The following ADAM10 variants were observed in gnomAD, a reference collection of about 807,000 sequenced individuals.
The protein encoded by ADAM10 is ADAM metallopeptidase domain 10.
In ADAM10, 17 loss-of-function variants were observed where a neutral mutation model predicts 90.1. The ratio of observed to expected loss-of-function variants is 0.19; its 90% CI spans 0.13 to 0.28. The LOEUF (loss-of-function observed/expected upper bound fraction) is 0.28, where lower values mean the gene tolerates loss of function less well. Ranked by LOEUF, ADAM10 falls within the 10% of genes least tolerant of loss-of-function variation. ADAM10 has a pLI of 1.00. For synonymous variants in ADAM10, 310 were observed against 298.6 expected, an observed-to-expected ratio of 1.04 and a Z score of -0.40; for missense variants, 610 against 914.3, an observed-to-expected ratio of 0.67 and a Z score of 4.29.
intron 2 of ADAM10, chr15:58,692,225 C>A: frequency 1.7e-6 from 1 of 578,236 alleles, no homozygotes; most frequent in Non-Finnish European, 3.5e-6. Flanking sequence ...GCCCTGAATT[C>A]CAAATGACCT....
At chr15:58,705,641 A>G (rs1240036823) in intron 2 of ADAM10, among the ~76,000 whole-genome samples, 1 of 152,232 alleles carries the variant, frequency 6.6e-6, no homozygotes, top group East Asian at 1.9e-4. Context: ...GAGCAACAAA[A>G]TAAATTATGT....
chr15:58,742,738 G>C (rs1437894310), intron 1 of ADAM10, among the ~76,000 whole-genome samples: 1 of 152,098 alleles, frequency 6.6e-6, no homozygotes, highest in Non-Finnish European at 1.5e-5. Flanking sequence ...AAAATCAACA[G>C]CTAGACTACT....
At chr15:58,662,745 C>T (rs1338964109) in intron 5 of ADAM10, among the ~76,000 whole-genome samples, 3 of 152,170 alleles carry the variant, frequency 2.0e-5, no homozygotes, top group Non-Finnish European at 2.9e-5. Context: ...CAGGCAGGCA[C>T]AGCTTAGTAT....
At chr15:58,743,199 CG>C (rs1290904833) in intron 1 of ADAM10, among the ~76,000 whole-genome samples, 1 of 151,890 alleles carries the variant, frequency 6.6e-6, no homozygotes, top group African/African-American at 2.4e-5. Context: ...GCTTCGGTGG[CG>C]GGGGGCGGGG....
At chr15:58,745,553 TA>T (rs1899764158) in intron 1 of ADAM10, among the ~76,000 whole-genome samples, 1 of 152,182 alleles carries the variant, frequency 6.6e-6, no homozygotes, top group Non-Finnish European at 1.5e-5. Context: ...TAATGCTGAA[TA>T]AAAAGTATTG....
chr15:58,726,672 T>C (rs1204147012), intron 1 of ADAM10, among the ~76,000 whole-genome samples: 3 of 148,678 alleles, frequency 2.0e-5, no homozygotes, highest in African/African-American at 7.5e-5. Flanking sequence ...AAGATGACAG[T>C]TTAAAACTCA....
At position 58,691,676 on chromosome 15, in the gene ADAM10, C is replaced by CTTTTTTT. The variant is rs71116587; in HGVS notation, c.207-9369_207-9363dup. On this transcript the variant is annotated intron_variant, in intron 2 of 15. Transcript: ENST00000260408. ...AGCTAAGCTCAAGCCACTTCTTCTT[C>CTTTTTTT]TTTTTTTTTTTTTTTTTTTTTTTTT... The CTTTTTTT allele has an allele frequency of 6.4e-4, 148 of 231,846 alleles. 2 individuals carry two copies. Among genetic ancestry groups the CTTTTTTT allele is most frequent in the African/African-American group, 2.5e-3 (57 of 22,486 alleles). The allele number at this position is 231,846 out of a possible 1,614,324, so 14.4% of individuals were successfully genotyped here.
intron 2 of ADAM10, among the ~76,000 whole-genome samples, chr15:58,712,583 G>A (rs958816454): frequency 6.6e-6 from 1 of 151,994 alleles, no homozygotes; most frequent in South Asian, 2.1e-4. Context: ...ACTTTGGGAG[G>A]CCAAGGTGGG....
intron 2 of ADAM10, among the ~76,000 whole-genome samples, chr15:58,712,097 AAGAC>A (rs1381299578): frequency 2.0e-5 from 3 of 152,236 alleles, no homozygotes; most frequent in Non-Finnish European, 4.4e-5. Flanking sequence ...TGTTAAATCT[AAGAC>A]AGATATTTAT....
At chr15:58,646,574 C>T (rs1348606257) in intron 5 of ADAM10, among the ~76,000 whole-genome samples, 3 of 152,206 alleles carry the variant, frequency 2.0e-5, no homozygotes, top group African/African-American at 4.8e-5. Flanking sequence ...AAGGTATCTA[C>T]CCATTATCTC....
chr15:58,635,138 G>A (rs907226459), intron 8 of ADAM10, among the ~76,000 whole-genome samples: 16 of 151,886 alleles, frequency 1.1e-4, no homozygotes, highest in African/African-American at 3.9e-4. Context: ...AGCAGGGCAT[G>A]GTGGCAGGTG....
intron 5 of ADAM10, 138 bp from the exon 6 acceptor site, chr15:58,646,342 C>A (rs1207040924): frequency 4.6e-6 from 4 of 871,098 alleles, no homozygotes; most frequent in Non-Finnish European, 7.1e-6. Flanking sequence ...ATTAAAAGTT[C>A]ATAAAATCAC....
intron 1 of ADAM10, among the ~76,000 whole-genome samples, chr15:58,727,921 A>G (rs1263582868): frequency 6.6e-6 from 1 of 152,206 alleles, no homozygotes; most frequent in Non-Finnish European, 1.5e-5. Context: ...AGAACAGAAA[A>G]AAGCAGACTC....
Position 58,665,406 on chromosome 15 carries a change from T to TA in ADAM10, c.485-210dup, listed in dbSNP as rs1381565921. Among the ~76,000 whole-genome samples, 16 of 152,268 alleles carry TA rather than the reference T, an allele frequency of 1.1e-4. No individual in the cohort carries two copies. In the South Asian group the frequency reaches 3.1e-3, roughly 30 times the overall value. On this transcript the variant is annotated intron_variant, in intron 4 of 15. Transcript: ENST00000260408. ...TCCCTCAATAAAAACCACTGGTCTT[T>TA]AGCTTTTTGTCATATAGATGATTTG...
chr15:58,656,356 T>A (rs1216510210), intron 5 of ADAM10, among the ~76,000 whole-genome samples: 1 of 152,148 alleles, frequency 6.6e-6, no homozygotes, highest in Non-Finnish European at 1.5e-5. Flanking sequence ...GCCACTTTGT[T>A]TTTTTGTTTT....
In ADAM10 at chr15:58,655,696, GTATATATATATATAGTATATATATATATA is replaced by G. The variant is rs1240975104; in HGVS notation, c.585+9372_585+9400del. Among the ~76,000 whole-genome samples, 35 of 68,256 alleles carry G rather than the reference GTATATATATATATAGTATATATATATATA, an allele frequency of 5.1e-4. 1 individual carries two copies. Among genetic ancestry groups the G allele is most frequent in the Non-Finnish European group, 6.9e-4 (29 of 41,962 alleles). 44.8% of individuals were successfully genotyped at this position (68,256 alleles called of 152,430 possible). A position where few individuals can be genotyped will look rare whatever the true frequency, so the allele number is the denominator to read the frequency against. ...TACATACATATATATATTATATATA[GTATATATATATATAGTATATATATATATA>G]TATATATATATATATTCTTTTTTTT... On this transcript the variant is annotated intron_variant, in intron 5 of 15. Transcript: ENST00000260408.
rs1894842437 is a variant in ADAM10, at chr15:58,592,392, CTA to C, written c.*5153_*5154del. 6.6e-6 allele frequency: 1 copy of C among 152,192 alleles called. No individual in the cohort carries two copies. The highest frequency in any genetic ancestry group is 6.5e-5 in the Admixed American group (1 of 15,278). The allele number at this position is 152,192 out of a possible 1,614,324, so 9.4% of individuals were successfully genotyped here. On this transcript the variant is annotated 3_prime_UTR_variant, in exon 16 of 16. Coordinates refer to ENST00000260408, the MANE Select transcript of ADAM10 (RefSeq NM_001110.4). ...TTAACTCACAGAGTTAAATACAATA[CTA>C]TGAGTTTCAATCTCTTGCAGATATT...
In ADAM10 at chr15:58,621,461, A is replaced by G. The variant is rs200601106; in HGVS notation, c.1511+10T>C. On this transcript the variant is annotated intron_variant, in intron 11 of 15. Coordinates refer to ENST00000260408, the MANE Select transcript of ADAM10 (RefSeq NM_001110.4). Reference sequence around the variant, plus strand: ...CAAGAATGTTAACATCACTGAAATTAGCAAGGTACCTGCACTGTTTCCCAG... The same window carrying G: ...CAAGAATGTTAACATCACTGAAATTGGCAAGGTACCTGCACTGTTTCCCAG... 2.5e-6 allele frequency: 4 copies of G among 1,614,050 alleles called. No homozygotes were observed. The highest frequency in any genetic ancestry group is 3.4e-6 in the Non-Finnish European group (4 of 1,179,984).
intron 1 of ADAM10, among the ~76,000 whole-genome samples, chr15:58,733,775 T>C (rs1413211220): frequency 1.3e-5 from 2 of 151,950 alleles, no homozygotes; most frequent in South Asian, 2.1e-4. Flanking sequence ...CTTTTATTCA[T>C]CTATTTATAA....
Sources: gnomAD v4.1 joint callset for allele counts (sites outside exome capture counted in the v4.1 genomes callset) on GRCh38, gnomAD v4.1.1 for gene constraint, MANE v1.5 for transcripts, NCBI Gene and HGNC (gene_info 2026-07-23, HGNC 2026-07-21) for gene names.